RADX: variants seen among roughly 807,000 people sequenced by gnomAD.
RADX encodes RPA-related protein RADX.
In RADX, 36 loss-of-function variants were observed where a neutral mutation model predicts 61.6. The ratio of observed to expected loss-of-function variants is 0.58; its 90% confidence interval spans 0.45 to 0.77. The LOEUF (loss-of-function observed/expected upper bound fraction) is 0.77. RADX is among the 30% of genes least tolerant of loss of function. RADX has a pLI of 0.00. For synonymous variants in RADX, 272 were observed against 237.9 expected (o/e 1.14, Z -1.32); for missense variants, 497 against 651.1 (o/e 0.76, Z 2.58).
chrX:106,616,975 T>C (rs1352045735), intron 1 of RADX, among the ~76,000 whole-genome samples: 12 of 109,681 alleles, frequency 1.1e-4, no homozygotes, highest in Non-Finnish European at 2.3e-4. Flanking sequence ...TCTTTTATTT[T>C]CTTGGCTTGC....
chrX:106,645,846 G>A (rs1162938886), intron 10 of RADX, among the ~76,000 whole-genome samples: 2 of 110,991 alleles, frequency 1.8e-5, no homozygotes, highest in African/African-American at 6.5e-5. Flanking sequence ...GCTGAAAGTG[G>A]GGTGTTGAAG....
Position 106,645,014 on chromosome X carries a change from G to A in RADX, c.1905-3299G>A, listed in dbSNP as rs954871409. Among the ~76,000 whole-genome samples the A allele has an allele frequency of 6.3e-5, 7 of 110,839 alleles. No individual in the cohort carries two copies. In the South Asian group the frequency reaches 1.5e-3, roughly 24 times the overall value. On this transcript the variant is annotated intron_variant, in intron 10 of 13. Transcript: ENST00000372548. ...ATCTTGGTAGGTTGTATGTATCTAC[G>A]AATTTGTTCATTTCTTCTAAATTTT...
rs951968363 is a variant in RADX at position 106,667,506 on chromosome X, G to A, written c.2270-1657G>A. ...TATTATTTTTATTATTGTATTTTTG[G>A]TAGAGACAGGGTTTCACCATGTTAC... On this transcript the variant is annotated intron_variant, in intron 12 of 13. Coordinates refer to ENST00000372548, the MANE Select transcript of RADX (RefSeq NM_018015.6). Among the ~76,000 whole-genome samples the A allele has an allele frequency of 7.3e-5, 8 of 109,462 alleles. No homozygotes were observed. In the East Asian group the frequency reaches 2.3e-3, roughly 31 times the overall value.
At chrX:106,660,918 C>T (rs1928073965) in intron 11 of RADX, among the ~76,000 whole-genome samples, 1 of 111,455 alleles carries the variant, frequency 9.0e-6, no homozygotes, top group South Asian at 3.8e-4. Flanking sequence ...CTGGGGAGGC[C>T]TCAGGAAACC....
At chrX:106,677,157 T>G (rs760566110) in intron 13 of RADX, among the ~76,000 whole-genome samples, 28 of 112,022 alleles carry the variant, frequency 2.5e-4, no homozygotes, top group African/African-American at 9.1e-4. Flanking sequence ...AGGGAGCTAC[T>G]GTAAAGATGA....
chrX:106,632,193 A>T (rs1927251627), intron 3 of RADX, among the ~76,000 whole-genome samples: 1 of 112,279 alleles, frequency 8.9e-6, no homozygotes, highest in Admixed American at 9.4e-5. Flanking sequence ...ATTGTAGTAT[A>T]TTAACACACT....
At chrX:106,663,569 G>A (rs1176247620) in intron 12 of RADX, among the ~76,000 whole-genome samples, 2 of 111,532 alleles carry the variant, frequency 1.8e-5, no homozygotes, top group African/African-American at 3.3e-5. Flanking sequence ...GCAGAATAAG[G>A]TGACTATGGT....
Position 106,612,674 on chromosome X carries a change from T to C in RADX, c.594T>C (p.Tyr198=), listed in dbSNP as rs1332674942. Residue 198 remains tyrosine, a synonymous_variant, in exon 1 of 14, where the codon TAT becomes TAC. Coordinates refer to ENST00000372548, the MANE Select transcript of RADX (RefSeq NM_018015.6). ...CGCTGTGGAATAACGAAGATCCCTA[T>C]GGAGATATCTGGTTAACAGACAAGC... ...YLALWNNEDP[Y]GDIWLTDKQP... 8.3e-7 allele frequency: 1 copy of C among 1,205,205 alleles called. No individual in the cohort carries two copies. The highest frequency in any genetic ancestry group is 1.8e-5 in the South Asian group (1 of 55,191).
rs750355344 is a variant in RADX, at chrX:106,674,617, T to C, written c.2438-3511T>C. ...TTCGTATGTCTTCTTTGGAGAAATA[T>C]CTACTCAAATGCTTTGCCCATTTCT... On this transcript the variant is annotated intron_variant, in intron 13 of 13. Transcript: ENST00000372548. 1.8e-4 allele frequency among the ~76,000 whole-genome samples: 20 copies of C among 112,412 alleles called. No individual in the cohort carries two copies. In the South Asian group the frequency reaches 6.3e-3, roughly 36 times the overall value.
intron 13 of RADX, 102 bp from the exon 14 acceptor site, chrX:106,678,026 A>C (rs773992915): frequency 5.7e-5 from 27 of 476,652 alleles, no homozygotes; most frequent in Non-Finnish European, 7.8e-5. Flanking sequence ...GATGGGGCAC[A>C]GTGTTAATAT....
intron 6 of RADX, among the ~76,000 whole-genome samples, chrX:106,636,075 T>C (rs762631296): frequency 9.0e-6 from 1 of 111,224 alleles, no homozygotes; most frequent in East Asian, 2.8e-4. Context: ...GTGGAAGGAG[T>C]TAGAGTAATT....
At chrX:106,623,715 A>G (rs1367932024) in intron 2 of RADX, among the ~76,000 whole-genome samples, 2 of 111,433 alleles carry the variant, frequency 1.8e-5, no homozygotes, top group African/African-American at 3.3e-5. Flanking sequence ...TGTGTATATC[A>G]TATATCACAT....
At chrX:106,656,155 C>T (rs1296347784) in intron 11 of RADX, among the ~76,000 whole-genome samples, 1 of 111,900 alleles carries the variant, frequency 8.9e-6, no homozygotes, top group East Asian at 2.8e-4. Flanking sequence ...ACATCTTCAC[C>T]AGGAATAGAT....
At position 106,648,390 on chromosome X, in the gene RADX, T is replaced by C; in HGVS notation, c.1978+4T>C. The C allele has an allele frequency of 9.0e-7, 1 of 1,108,169 alleles. No homozygotes were observed. The highest frequency in any genetic ancestry group is 3.0e-5 in the East Asian group (1 of 33,204). 91.3% of individuals were successfully genotyped at this position (1,108,169 alleles called of 1,213,427 possible). On this transcript the variant is annotated splice_donor_region_variant and intron_variant, in intron 11 of 13. Transcript: ENST00000372548. ...GGCATGCCAAGCATCTTCAACCGTA[T>C]GTTACTATTTGTTATTATTATTTAT...
intron 11 of RADX, among the ~76,000 whole-genome samples, chrX:106,658,481 C>T (rs1039587778): frequency 9.0e-6 from 1 of 111,615 alleles, no homozygotes; most frequent in Admixed American, 9.5e-5. Flanking sequence ...ACTCTGTGAC[C>T]TAGAAATTCC....
chrX:106,643,868 C>A (rs1465374076), intron 10 of RADX, among the ~76,000 whole-genome samples: 1 of 111,196 alleles, frequency 9.0e-6, no homozygotes, highest in Non-Finnish European at 1.9e-5. Context: ...TTGCTTTGGG[C>A]AGTATAGACA....
chrX:106,676,337 C>T (rs374326027), intron 13 of RADX, among the ~76,000 whole-genome samples: 9 of 112,010 alleles, frequency 8.0e-5, no homozygotes, highest in African/African-American at 2.9e-4. Flanking sequence ...TGCACAAATC[C>T]CTTCTAAAAC....
At chrX:106,649,424 A>G (rs762167402) in intron 11 of RADX, among the ~76,000 whole-genome samples, 11 of 111,875 alleles carry the variant, frequency 9.8e-5, no homozygotes, top group East Asian at 2.8e-4. Context: ...ATTAAATTCT[A>G]TTCTTCAGCT....
At chrX:106,671,562 T>C (rs1928361479) in intron 13 of RADX, among the ~76,000 whole-genome samples, 1 of 111,650 alleles carries the variant, frequency 9.0e-6, no homozygotes, top group African/African-American at 3.3e-5. Context: ...GGCATACTTA[T>C]ACAAGAGATA....
Sources: gnomAD v4.1 joint callset for allele counts (sites outside exome capture counted in the v4.1 genomes callset) on GRCh38, gnomAD v4.1.1 for gene constraint, MANE v1.5 for transcripts, NCBI Gene and HGNC (gene_info 2026-07-23, HGNC 2026-07-21) for gene names.